Variants in DPY19L4 observed in about 807,000 individuals in gnomAD.
The protein encoded by DPY19L4 is probable C-mannosyltransferase DPY19L4.
Under a neutral mutation model 102.8 loss-of-function variants are expected in DPY19L4, and 97 were observed. The observed-to-expected ratio is 0.94, with a 90% CI of 0.80 to 1.12. The LOEUF is 1.12. Among genes scored for constraint, DPY19L4 ranks in the 50% most tolerant of loss-of-function variants. DPY19L4 has a pLI of 0.00. For missense variants in DPY19L4, 815 were observed against 850.4 expected, an observed-to-expected ratio of 0.96 and a Z score of 0.52; for synonymous variants, 252 against 283.1, an observed-to-expected ratio of 0.89 and a Z score of 1.10.
At chr8:94,736,771 CTAAT>C (rs1178622993) in intron 3 of DPY19L4, among the ~76,000 whole-genome samples, 4 of 152,286 alleles carry the variant, frequency 2.6e-5, no homozygotes, top group Middle Eastern at 3.4e-3. Flanking sequence ...TTGCAAAGTA[CTAAT>C]TAAAGACTTG....
At chr8:94,721,383 T>C (rs1004401875) in intron 1 of DPY19L4, among the ~76,000 whole-genome samples, 6 of 152,262 alleles carry the variant, frequency 3.9e-5, no homozygotes, top group African/African-American at 1.4e-4. Flanking sequence ...TTGGTTCATA[T>C]TTGTTTCCAT....
At chr8:94,747,117 A>T (rs1811709935) in intron 6 of DPY19L4, among the ~76,000 whole-genome samples, 1 of 151,872 alleles carries the variant, frequency 6.6e-6, no homozygotes, top group Non-Finnish European at 1.5e-5. Context: ...GCTCAAGTGC[A>T]GTGGTGTGAT....
At chr8:94,770,652 C>G in intron 13 of DPY19L4, 81 bp downstream of exon 13, 3 of 1,574,202 alleles carry the variant, frequency 1.9e-6, no homozygotes, top group Non-Finnish European at 2.6e-6. Context: ...AATCCCAGCA[C>G]TTTGGGAGGC....
intron 12 of DPY19L4, 65 bp from the exon 13 acceptor site, chr8:94,770,382 TAAACA>T: frequency 6.9e-7 from 1 of 1,452,660 alleles, no homozygotes; most frequent in Middle Eastern, 1.8e-4. Context: ...TCAAAGATGA[TAAACA>T]ATGTATCTTT....
chr8:94,784,906 T>C (rs1813592528), intron 17 of DPY19L4, among the ~76,000 whole-genome samples: 1 of 152,246 alleles, frequency 6.6e-6, no homozygotes, highest in Non-Finnish European at 1.5e-5. Context: ...TTAGATAATG[T>C]CTTATTTTGA....
At chr8:94,788,454 TC>T (rs1320599483) in intron 18 of DPY19L4, among the ~76,000 whole-genome samples, 2 of 152,192 alleles carry the variant, frequency 1.3e-5, no homozygotes, top group African/African-American at 2.4e-5. Context: ...GTAATTTGAT[TC>T]ATATCTAGAA....
intron 2 of DPY19L4, among the ~76,000 whole-genome samples, chr8:94,732,238 A>G (rs6988635): frequency 0.54 from 81,585 of 151,986 alleles, 22,260 homozygotes; most frequent in African/African-American, 0.62. Context: ...AAAAAAATCA[A>G]CAAGTTGATT....
chr8:94,748,164 A>C (rs972091411), intron 6 of DPY19L4, among the ~76,000 whole-genome samples: 1 of 152,142 alleles, frequency 6.6e-6, no homozygotes, highest in Non-Finnish European at 1.5e-5. Context: ...CTTGTCCAGG[A>C]TGTCACTTGT....
chr8:94,769,758 G>A (rs78556890), intron 12 of DPY19L4, among the ~76,000 whole-genome samples: 3,952 of 151,766 alleles, frequency 0.026, 173 homozygotes, highest in African/African-American at 0.09. Flanking sequence ...TTGAAACGTG[G>A]TTGTATATAA....
chr8:94,755,416 G>C (rs1035476981), intron 6 of DPY19L4, among the ~76,000 whole-genome samples: 2 of 152,098 alleles, frequency 1.3e-5, no homozygotes, highest in Admixed American at 6.5e-5. Context: ...TGAAATCTGG[G>C]GTACTCTGTG....
At chr8:94,779,073 C>T (rs1813312823) in intron 14 of DPY19L4, among the ~76,000 whole-genome samples, 1 of 152,046 alleles carries the variant, frequency 6.6e-6, no homozygotes, top group Admixed American at 6.6e-5. Flanking sequence ...GAAGGATAGT[C>T]CTACAGGCAA....
At chr8:94,733,888 C>T (rs560935848) in intron 2 of DPY19L4, among the ~76,000 whole-genome samples, 24 of 152,210 alleles carry the variant, frequency 1.6e-4, no homozygotes, top group Admixed American at 5.2e-4. Flanking sequence ...AAGAATTGAG[C>T]AGATAGAGTT....
At chr8:94,720,374 G>T in intron 1 of DPY19L4, 1 of 616,840 alleles carries the variant, frequency 1.6e-6, no homozygotes, top group Non-Finnish European at 2.0e-6. Context: ...TAGGTACTCA[G>T]TGCATATTTG....
intron 16 of DPY19L4, among the ~76,000 whole-genome samples, chr8:94,782,004 A>G (rs759494865): frequency 2.6e-5 from 4 of 152,258 alleles, no homozygotes; most frequent in Non-Finnish European, 5.9e-5. Flanking sequence ...CTGAAATTAT[A>G]AAACACATAA....
rs554327401 is a variant in DPY19L4 at position 94,792,732 on chromosome 8, T to C, written c.*2822T>C. On this transcript the variant is annotated 3_prime_UTR_variant, in exon 19 of 19. Transcript: ENST00000414645. The stretch of plus-strand genomic sequence containing the variant: ...TTAGCCGGGCAGGGTGGCGGGCGCC[T>C]GTAGTCCCAGCTACTCCGAGGCTGA... 2.4e-3 allele frequency: 365 copies of C among 152,454 alleles called. 1 individual carries two copies. Among genetic ancestry groups the C allele is most frequent in the Non-Finnish European group, 3.8e-3 (260 of 68,274 alleles). 9.4% of individuals were successfully genotyped at this position (152,454 alleles called of 1,614,324 possible). A position where few individuals can be genotyped will look rare whatever the true frequency, so the allele number is the denominator to read the frequency against.
In DPY19L4 at chr8:94,789,850, A is replaced by G; in HGVS notation, c.2112A>G (p.Val704=). 6.2e-7 allele frequency: 1 copy of G among 1,610,056 alleles called. No individual in the cohort carries two copies. Among genetic ancestry groups the G allele is most frequent in the Non-Finnish European group, 8.5e-7 (1 of 1,178,766 alleles). Residue 704 remains valine, a synonymous_variant, in exon 19 of 19, where the codon GTA becomes GTG. Transcript: ENST00000414645. ...YSPYVNYFTR[V]YWNRSYFVYK... ...CATATGTGAATTATTTCACTAGAGT[A>G]TACTGGAACAGATCCTACTTTGTAT...
rs1323990750 is a variant in DPY19L4, at chr8:94,765,236, A to G, written c.924A>G (p.Leu308=). ...YIFSLFLGYL[L]QFENPALLVS... ...TTTCCCTCTTTCTGGGATATTTACT[A>G]CAGTTTGAGAATCCAGCTTTGTTGG... Residue 308 remains leucine, a synonymous_variant, in exon 9 of 19, where the codon CTA becomes CTG. Transcript: ENST00000414645. 8 of 1,607,520 alleles carry G rather than the reference A, an allele frequency of 5.0e-6. No individual in the cohort carries two copies. The highest frequency in any genetic ancestry group is 6.8e-6 in the Non-Finnish European group (8 of 1,177,516).
At chr8:94,751,687 A>G (rs1443172571) in intron 6 of DPY19L4, among the ~76,000 whole-genome samples, 1 of 151,670 alleles carries the variant, frequency 6.6e-6, no homozygotes, top group Non-Finnish European at 1.5e-5. Context: ...ATGGGGTTTC[A>G]CCATGTTGCC....
intron 17 of DPY19L4, among the ~76,000 whole-genome samples, chr8:94,786,138 TTTG>T (rs949013250): frequency 4.6e-5 from 7 of 152,074 alleles, no homozygotes; most frequent in Admixed American, 6.6e-5. Flanking sequence ...AATTTTAATT[TTTG>T]TTGTTGTTGT....
Sources: gnomAD v4.1 joint callset for allele counts (sites outside exome capture counted in the v4.1 genomes callset) on GRCh38, gnomAD v4.1.1 for gene constraint, MANE v1.5 for transcripts, NCBI Gene and HGNC (gene_info 2026-07-23, HGNC 2026-07-21) for gene names.